CUBN: variants seen among roughly 807,000 people sequenced by gnomAD.
CUBN encodes the protein 460 kDa receptor.
CUBN carries 282 observed loss-of-function variants against 405.3 expected under a neutral mutation model. The observed-to-expected ratio is 0.70, with a 90% CI of 0.63 to 0.77. The LOEUF is 0.77. CUBN is among the 30% of genes least tolerant of loss of function. The pLI, the probability that CUBN is intolerant of heterozygous loss-of-function variation, is 0.00. For synonymous variants in CUBN, 1,684 were observed against 1,617.0 expected (o/e 1.04, Z -0.99); for missense variants, 4,514 against 4,475.2 (o/e 1.01, Z -0.25).
intron 49 of CUBN, 28 bp downstream of exon 49, chr10:16,907,480 G>C: frequency 1.2e-6 from 2 of 1,610,976 alleles, no homozygotes; most frequent in Middle Eastern, 3.3e-4. Flanking sequence ...TGATTAAAAT[G>C]GGGGGCATTT....
At chr10:17,093,124 G>A (rs768834706) in intron 14 of CUBN, among the ~76,000 whole-genome samples, 4 of 152,118 alleles carry the variant, frequency 2.6e-5, no homozygotes, top group Non-Finnish European at 5.9e-5. Flanking sequence ...AACAACTCAC[G>A]ATTTAGGGCT....
intron 36 of CUBN, among the ~76,000 whole-genome samples, chr10:16,946,910 A>G (rs1276351652): frequency 1.3e-5 from 2 of 152,228 alleles, no homozygotes; most frequent in South Asian, 2.1e-4. Context: ...AAACAATACT[A>G]GTGATTCCCT....
intron 27 of CUBN, among the ~76,000 whole-genome samples, chr10:17,037,080 G>A (rs1834919639): frequency 6.6e-6 from 1 of 152,154 alleles, no homozygotes; most frequent in African/African-American, 2.4e-5. Flanking sequence ...AGAATTACCT[G>A]GCAAATAATA....
At chr10:17,002,673 T>C (rs973403908) in intron 28 of CUBN, among the ~76,000 whole-genome samples, 3 of 152,166 alleles carry the variant, frequency 2.0e-5, no homozygotes, top group Admixed American at 6.5e-5. Flanking sequence ...GCTTTTCCAC[T>C]CATTCTGAAA....
intron 16 of CUBN, among the ~76,000 whole-genome samples, chr10:17,085,124 G>C (rs1836076592): frequency 6.6e-6 from 1 of 152,152 alleles, no homozygotes; most frequent in Non-Finnish European, 1.5e-5. Flanking sequence ...TTTGTTTTAA[G>C]GTATCAAAGC....
At chr10:16,986,184 G>T (rs188426494) in intron 29 of CUBN, among the ~76,000 whole-genome samples, 1 of 152,336 alleles carries the variant, frequency 6.6e-6, no homozygotes, top group African/African-American at 2.4e-5. Flanking sequence ...AACTGCAACT[G>T]CAGCCATCCA....
intron 29 of CUBN, among the ~76,000 whole-genome samples, chr10:16,985,815 T>C (rs1187894372): frequency 2.0e-5 from 3 of 152,234 alleles, no homozygotes; most frequent in Non-Finnish European, 4.4e-5. Flanking sequence ...CTATCACACA[T>C]GACTTCAGAC....
chr10:16,952,334 G>A lies in CUBN; in HGVS notation c.4911C>T (p.Phe1637=), dbSNP rs751057848. The change falls in exon 33 of 67, where the codon TTC becomes TTT. Residue 1637 remains phenylalanine (F), a synonymous_variant. Coordinates refer to ENST00000377833, the MANE Select transcript of CUBN (RefSeq NM_001081.4). ...SSFDTVSSPR[F]PANYPNNQNC... Reference sequence around the variant, plus strand: ...TCTGATTGTTTGGATAATTGGCAGGGAACCGTGGAGAGGAAACAGTATCAA... The same window carrying A: ...TCTGATTGTTTGGATAATTGGCAGGAAACCGTGGAGAGGAAACAGTATCAA... 1.9e-6 allele frequency: 3 copies of A among 1,613,992 alleles called. No homozygotes were observed. Among genetic ancestry groups the A allele is most frequent in the Non-Finnish European group, 2.5e-6 (3 of 1,179,946 alleles).
intron 27 of CUBN, among the ~76,000 whole-genome samples, chr10:17,028,391 C>A (rs12258088): frequency 6.6e-6 from 1 of 151,832 alleles, no homozygotes; most frequent in African/African-American, 2.4e-5. Context: ...CCGGGCTCTC[C>A]CTGAAGACAG....
At chr10:16,970,816 A>T (rs61841474) in intron 31 of CUBN, among the ~76,000 whole-genome samples, 33,438 of 151,878 alleles carry the variant, frequency 0.22, 3,954 homozygotes, top group African/African-American at 0.29. Context: ...TTTTTTAATT[A>T]ATTTTTATTT....
intron 27 of CUBN, among the ~76,000 whole-genome samples, chr10:17,027,536 A>G (rs182760817): frequency 4.6e-5 from 7 of 152,276 alleles, no homozygotes; most frequent in Non-Finnish European, 7.4e-5. Context: ...CATTTTCCCA[A>G]TTTCCTATAA....
chr10:17,111,501 T>C (rs1412869757), intron 8 of CUBN, among the ~76,000 whole-genome samples: 2 of 152,182 alleles, frequency 1.3e-5, no homozygotes, highest in East Asian at 1.9e-4. Flanking sequence ...AATAGAAGCA[T>C]AGCTGAACAC....
rs184086713 is a variant in CUBN, at chr10:17,042,918, A to G, written c.3829+909T>C. Reference sequence around the variant, plus strand: ...TATGGATAAATTTTGATTCTGTGGGAAAAGATAATTGTGTAAAATTATGGA... The same window carrying G: ...TATGGATAAATTTTGATTCTGTGGGGAAAGATAATTGTGTAAAATTATGGA... On this transcript the variant is annotated intron_variant, in intron 26 of 66. Coordinates refer to ENST00000377833, the MANE Select transcript of CUBN (RefSeq NM_001081.4). Among the ~76,000 whole-genome samples, 165 of 152,324 alleles carry G rather than the reference A, an allele frequency of 1.1e-3. 1 individual carries two copies. Among genetic ancestry groups the G allele is most frequent in the African/African-American group, 3.7e-3 (154 of 41,572 alleles).
At chr10:16,890,878 G>GTCTCCC (rs1564406110) in intron 54 of CUBN, among the ~76,000 whole-genome samples, 1 of 152,140 alleles carries the variant, frequency 6.6e-6, no homozygotes, top group Non-Finnish European at 1.5e-5. Context: ...GAGCAGCCAG[G>GTCTCCC]TGGAACTCAG....
At chr10:16,916,500 A>G (rs573470716) in intron 45 of CUBN, among the ~76,000 whole-genome samples, 1 of 152,310 alleles carries the variant, frequency 6.6e-6, no homozygotes, top group East Asian at 1.9e-4. Context: ...AGTTCACTAC[A>G]GTAACTGATA....
At position 16,937,607 on chromosome 10, in the gene CUBN, G is replaced by T. The variant is rs2356590; in HGVS notation, c.5911C>A (p.Pro1971Thr). Residue 1971 changes from proline to threonine, a missense_variant, in exon 39 of 67, where the codon CCT becomes ACT. Coordinates refer to ENST00000377833, the MANE Select transcript of CUBN (RefSeq NM_001081.4). ...CCAAACACACCTGGAGCAATGGTAG[G>T]TAAAACACCATCAGGTGCATCCACT... is the stretch of plus-strand genomic sequence containing the variant. ...FAVDAPDGVL[P>T]TIAPGACGGF... 48,314 of 1,613,616 alleles carry T rather than the reference G, an allele frequency of 0.03. 3,008 individuals are homozygous for T. Among genetic ancestry groups the T allele is most frequent in the Admixed American group, 0.23 (14,088 of 59,982 alleles).
At chr10:16,973,676 G>T (rs1028739397) in intron 31 of CUBN, among the ~76,000 whole-genome samples, 3 of 152,134 alleles carry the variant, frequency 2.0e-5, no homozygotes, top group Non-Finnish European at 4.4e-5. Context: ...GGCGCCTGTT[G>T]TTCCCTTCTT....
At chr10:16,849,855 C>T (rs1839632264) in intron 60 of CUBN, among the ~76,000 whole-genome samples, 1 of 152,154 alleles carries the variant, frequency 6.6e-6, no homozygotes, top group African/African-American at 2.4e-5. Context: ...CTGTTGTCAC[C>T]TCACTCATTG....
chr10:16,944,612 A>T (rs1276780526), intron 36 of CUBN, among the ~76,000 whole-genome samples: 1 of 152,242 alleles, frequency 6.6e-6, no homozygotes, highest in Non-Finnish European at 1.5e-5. Flanking sequence ...ATCAACTGCA[A>T]AAAAAGAGGC....
Sources: gnomAD v4.1 joint callset for allele counts (sites outside exome capture counted in the v4.1 genomes callset) on GRCh38, gnomAD v4.1.1 for gene constraint, MANE v1.5 for transcripts, NCBI Gene and HGNC (gene_info 2026-07-23, HGNC 2026-07-21) for gene names.